Variants in RPS6KC1 observed in about 807,000 individuals in gnomAD.
RPS6KC1 encodes inactive ribosomal protein S6 kinase delta-1.
RPS6KC1 carries 54 observed loss-of-function variants against 103.8 expected under a neutral mutation model. That is an observed-to-expected ratio of 0.52 (90% CI 0.42 to 0.65). The LOEUF is 0.65. RPS6KC1 is among the 30% of genes least tolerant of loss of function. The pLI is 0.00. For synonymous variants in RPS6KC1, 439 were observed against 438.7 expected, an observed-to-expected ratio of 1.00 and a Z score of -0.01; for missense variants, 1,151 against 1,253.8, an observed-to-expected ratio of 0.92 and a Z score of 1.24.
chr1:213,294,215 G>C, the RPS6KC1 span, among the ~76,000 whole-genome samples: 1 of 152,188 alleles, frequency 6.6e-6, no homozygotes, highest in African/African-American at 2.4e-5. Flanking sequence ...GATCAAAGAT[G>C]GTTCTCACAA....
the RPS6KC1 span, among the ~76,000 whole-genome samples, chr1:213,417,445 A>G: frequency 2.1e-4 from 32 of 152,314 alleles, no homozygotes; most frequent in African/African-American, 7.5e-4. Context: ...CATACTAAAA[A>G]TCTTTGCATC....
the RPS6KC1 span, among the ~76,000 whole-genome samples, chr1:213,427,644 G>A: frequency 1.2e-4 from 18 of 152,104 alleles, no homozygotes; most frequent in East Asian, 3.5e-3. Context: ...CTAAATACTT[G>A]GTTGAAAAAT....
At chr1:213,363,777 TC>T in the RPS6KC1 span, among the ~76,000 whole-genome samples, 1 of 94,584 alleles carries the variant, frequency 1.1e-5, no homozygotes, top group Admixed American at 9.8e-5. Flanking sequence ...TTTCTTTCTT[TC>T]TTTCTTTCTT....
chr1:213,623,423 A>T, the RPS6KC1 span, among the ~76,000 whole-genome samples: 3 of 152,214 alleles, frequency 2.0e-5, no homozygotes, highest in Non-Finnish European at 2.9e-5. Context: ...TACTAGCCAC[A>T]AAACCCTGCC....
intron 3 of RPS6KC1, among the ~76,000 whole-genome samples, chr1:213,079,424 A>G (rs147731173): frequency 5.3e-4 from 80 of 152,154 alleles, no homozygotes; most frequent in African/African-American, 1.8e-3. Flanking sequence ...TTAAATTATT[A>G]TTATTATTTT....
the RPS6KC1 span, among the ~76,000 whole-genome samples, chr1:213,448,804 T>C: frequency 6.6e-6 from 1 of 150,970 alleles, no homozygotes; most frequent in Non-Finnish European, 1.5e-5. Flanking sequence ...TCTCTGGAGC[T>C]AAAGGAACTC....
chr1:213,838,842 C>T, the RPS6KC1 span, among the ~76,000 whole-genome samples: 3 of 152,162 alleles, frequency 2.0e-5, no homozygotes, highest in Non-Finnish European at 4.4e-5. Flanking sequence ...TAAGGATTCA[C>T]TAGAGAGAAA....
the RPS6KC1 span, among the ~76,000 whole-genome samples, chr1:213,850,184 T>C: frequency 1.3e-5 from 2 of 152,232 alleles, no homozygotes; most frequent in Admixed American, 6.5e-5. Context: ...CTACCTTTAA[T>C]AAGAATGCTT....
the RPS6KC1 span, among the ~76,000 whole-genome samples, chr1:213,583,837 AAG>A: frequency 5.9e-4 from 68 of 116,220 alleles, no homozygotes; most frequent in African/African-American, 1.8e-3. Context: ...AAAAAAAAAA[AAG>A]AAAAAAGAAA....
At position 213,051,524 on chromosome 1, in the gene RPS6KC1, C is replaced by G. The variant is rs766844823; in HGVS notation, c.105+15C>G. The G allele has an allele frequency of 2.7e-5, 42 of 1,578,062 alleles. No homozygotes were observed. The highest frequency in any genetic ancestry group is 3.2e-5 in the Non-Finnish European group (37 of 1,151,692). On this transcript the variant is annotated intron_variant, in intron 1 of 14. Coordinates refer to ENST00000366960, the MANE Select transcript of RPS6KC1 (RefSeq NM_012424.6). The stretch of plus-strand genomic sequence containing the variant: ...TCACCGCCCGGGTGAGTGCCGGTGT[C>G]GGGCTGGGGTAGAGCTTGGATTGGG...
intron 5 of RPS6KC1, among the ~76,000 whole-genome samples, chr1:213,118,565 C>T (rs1021838970): frequency 5.9e-5 from 9 of 152,090 alleles, no homozygotes; most frequent in African/African-American, 2.2e-4. Flanking sequence ...GCCACACTAA[C>T]ATAAATCTCT....
At chr1:213,410,096 A>G in the RPS6KC1 span, among the ~76,000 whole-genome samples, 1 of 152,220 alleles carries the variant, frequency 6.6e-6, no homozygotes, top group East Asian at 1.9e-4. Flanking sequence ...TTGAGGCTGC[A>G]GTGAGCTGTG....
the RPS6KC1 span, among the ~76,000 whole-genome samples, chr1:213,371,445 T>C: frequency 0.026 from 3,995 of 152,312 alleles, 181 homozygotes; most frequent in East Asian, 0.19. Context: ...TTAATTCTTT[T>C]GGGTGTATAC....
intron 12 of RPS6KC1, among the ~76,000 whole-genome samples, chr1:213,251,102 C>CTTTTTTTTTTTT (rs1235280521): frequency 2.0e-5 from 2 of 100,210 alleles, no homozygotes; most frequent in South Asian, 3.7e-4. Context: ...GGTTTTTCAG[C>CTTTTTTTTTTTT]TTTTTTTTTT....
intron 3 of RPS6KC1, among the ~76,000 whole-genome samples, chr1:213,085,270 G>A (rs144833941): frequency 6.6e-6 from 1 of 152,108 alleles, no homozygotes; most frequent in East Asian, 1.9e-4. Flanking sequence ...TTCCCTCTTT[G>A]TGAAATTGCC....
chr1:213,115,191 T>C (rs1175705880), intron 4 of RPS6KC1, among the ~76,000 whole-genome samples: 1 of 152,122 alleles, frequency 6.6e-6, no homozygotes, highest in African/African-American at 2.4e-5. Flanking sequence ...CCTGGACTCT[T>C]TTTGGTTGGT....
chr1:213,604,463 T>G, the RPS6KC1 span, among the ~76,000 whole-genome samples: 1 of 152,254 alleles, frequency 6.6e-6, no homozygotes. Flanking sequence ...GCAAGTCCCT[T>G]GTGGTTTGGT....
intron 8 of RPS6KC1, among the ~76,000 whole-genome samples, chr1:213,213,951 G>A (rs2093587054): frequency 6.6e-6 from 1 of 152,198 alleles, no homozygotes; most frequent in Admixed American, 6.5e-5. Flanking sequence ...CAGCATGAGC[G>A]ACGCGGAAGA....
chr1:213,133,461 C>A (rs992809187), intron 6 of RPS6KC1, among the ~76,000 whole-genome samples: 2 of 152,022 alleles, frequency 1.3e-5, no homozygotes, highest in Non-Finnish European at 1.5e-5. Flanking sequence ...CTATGACTGG[C>A]CATACTGGAC....
Sources: allele counts gnomAD v4.1 joint callset (sites outside exome capture counted in the v4.1 genomes callset), GRCh38; gene constraint gnomAD v4.1.1; transcripts MANE v1.5; gene names NCBI Gene and HGNC (gene_info 2026-07-23, HGNC 2026-07-21).